The following ANKRD44 variants were observed in gnomAD, a reference collection of about 807,000 sequenced individuals.
ANKRD44 encodes serine/threonine-protein phosphatase 6 regulatory ankyrin repeat subunit B.
Under a neutral mutation model 116.0 loss-of-function variants are expected in ANKRD44, and 35 were observed. The ratio of observed to expected loss-of-function variants is 0.30; its 90% CI spans 0.23 to 0.40. ANKRD44 has a LOEUF of 0.40. Ranked by LOEUF, ANKRD44 falls within the 10% of genes least tolerant of loss-of-function variation. The probability of loss-of-function intolerance (pLI) is 1.00; values close to 1 mark genes in which losing one functional copy is unlikely to be tolerated. For synonymous variants in ANKRD44, 435 were observed against 461.8 expected (o/e 0.94, Z 0.74); for missense variants, 1,014 against 1,242.6 (o/e 0.82, Z 2.77).
At chr2:197,293,871 C>T (rs550524675) in intron 1 of ANKRD44, among the ~76,000 whole-genome samples, 7 of 152,160 alleles carry the variant, frequency 4.6e-5, no homozygotes, top group East Asian at 3.9e-4. Context: ...ATTACCCAGG[C>T]GGCAGCCTTC....
At chr2:197,186,433 C>T (rs2080661158) in intron 2 of ANKRD44, among the ~76,000 whole-genome samples, 1 of 151,872 alleles carries the variant, frequency 6.6e-6, no homozygotes, top group Non-Finnish European at 1.5e-5. Context: ...AAATTATGCT[C>T]ACTCTTAGAT....
intron 8 of ANKRD44, among the ~76,000 whole-genome samples, chr2:197,118,670 A>AGAAAGAAG (rs1553512635): frequency 0.093 from 14,036 of 151,314 alleles, 916 homozygotes; most frequent in Middle Eastern, 0.19. Flanking sequence ...AAAGAAAGAA[A>AGAAAGAAG]GAAAGAAAAA....
intron 16 of ANKRD44, among the ~76,000 whole-genome samples, chr2:197,038,573 T>C (rs528716173): frequency 2.0e-5 from 3 of 152,266 alleles, no homozygotes; most frequent in Non-Finnish European, 2.9e-5. Context: ...AGAAGATTCA[T>C]CAAAATTAAG....
In ANKRD44 at chr2:197,165,939, G is replaced by C. The variant is rs142117994; in HGVS notation, c.112-18834C>G. 4.3e-3 allele frequency among the ~76,000 whole-genome samples: 654 copies of C among 152,272 alleles called. 3 individuals carry two copies. Among genetic ancestry groups the C allele is most frequent in the African/African-American group, 0.014 (599 of 41,560 alleles). ...CAATGAACATAGAGATTCCAGGCAA[G>C]TTTAGACAAAAAGACATGACACTGT... is the stretch of plus-strand genomic sequence containing the variant. On this transcript the variant is annotated intron_variant, in intron 2 of 27. Coordinates refer to ENST00000282272, the MANE Select transcript of ANKRD44 (RefSeq NM_001195144.2).
intron 1 of ANKRD44, among the ~76,000 whole-genome samples, chr2:197,271,190 A>G (rs973235398): frequency 6.6e-6 from 1 of 152,248 alleles, no homozygotes; most frequent in Non-Finnish European, 1.5e-5. Context: ...TCATGAAACC[A>G]TATCTATCTG....
intron 16 of ANKRD44, among the ~76,000 whole-genome samples, chr2:197,066,528 T>C (rs553074161): frequency 1.3e-5 from 2 of 152,208 alleles, no homozygotes; most frequent in Non-Finnish European, 1.5e-5. Flanking sequence ...CATGATTGTA[T>C]ATTTAGAAAA....
chr2:197,196,582 GA>G lies in ANKRD44; in HGVS notation c.28-9477del, dbSNP rs1223972026. Among the ~76,000 whole-genome samples, 5 of 152,134 alleles carry G rather than the reference GA, an allele frequency of 3.3e-5. No individual in the cohort carries two copies. The East Asian group carries it at 9.6e-4, about 29-fold the overall frequency. On this transcript the variant is annotated intron_variant, in intron 1 of 27. Coordinates refer to ENST00000282272, the MANE Select transcript of ANKRD44 (RefSeq NM_001195144.2). The stretch of plus-strand genomic sequence containing the variant: ...AAAACAACAACAAAATCAGCATGTA[GA>G]AATGAAAGGTACTCTCAGAAAGGTG...
intron 1 of ANKRD44, chr2:197,263,184 T>C: frequency 2.1e-6 from 1 of 481,136 alleles, no homozygotes; most frequent in Non-Finnish European, 3.9e-6. Context: ...AGCCATCTGC[T>C]ACCTGCAGTG....
chr2:197,124,117 C>T (rs528438767), intron 6 of ANKRD44, among the ~76,000 whole-genome samples: 1 of 152,282 alleles, frequency 6.6e-6, no homozygotes, highest in South Asian at 2.1e-4. Context: ...CTGCAGGTGC[C>T]ACGCAGTCAT....
At chr2:197,226,005 A>G (rs948152318) in intron 1 of ANKRD44, among the ~76,000 whole-genome samples, 2 of 152,148 alleles carry the variant, frequency 1.3e-5, no homozygotes, top group African/African-American at 4.8e-5. Flanking sequence ...CTCACTAAAA[A>G]CAGGCTTTTA....
intron 16 of ANKRD44, among the ~76,000 whole-genome samples, chr2:197,060,382 C>T (rs1477582301): frequency 6.6e-6 from 1 of 152,156 alleles, no homozygotes; most frequent in Non-Finnish European, 1.5e-5. Context: ...CCTTTCCTTC[C>T]CAGTTTTATT....
intron 1 of ANKRD44, among the ~76,000 whole-genome samples, chr2:197,307,182 C>T (rs1481913080): frequency 6.6e-6 from 1 of 152,152 alleles, no homozygotes; most frequent in Admixed American, 6.5e-5. Context: ...CTGTATTTAA[C>T]AAAATTTTCT....
intron 16 of ANKRD44, among the ~76,000 whole-genome samples, chr2:197,036,239 C>A (rs546085530): frequency 6.6e-6 from 1 of 152,070 alleles, no homozygotes; most frequent in African/African-American, 2.4e-5. Context: ...TCTATAGTTG[C>A]GTAAGTCAAG....
Position 196,998,205 on chromosome 2 carries a change from T to C in ANKRD44, c.2748+132A>G, listed in dbSNP as rs562378528. 14 of 673,932 alleles carry C rather than the reference T, an allele frequency of 2.1e-5. No individual in the cohort carries two copies. In the Admixed American group the frequency reaches 3.7e-4, roughly 18 times the overall value. The allele number at this position is 673,932 out of a possible 1,614,324, so 41.7% of individuals were successfully genotyped here. On this transcript the variant is annotated intron_variant, in intron 25 of 27. Coordinates refer to ENST00000282272, the MANE Select transcript of ANKRD44 (RefSeq NM_001195144.2). ...TTCCTTCTCATCCTTCCACTTTCAGTTGACAAGACCCTGGGAAAATGTACA... is the reference window on the plus strand; with the variant it reads ...TTCCTTCTCATCCTTCCACTTTCAGCTGACAAGACCCTGGGAAAATGTACA...
intron 2 of ANKRD44, among the ~76,000 whole-genome samples, chr2:197,158,225 G>A (rs1185832397): frequency 6.6e-6 from 1 of 152,126 alleles, no homozygotes; most frequent in African/African-American, 2.4e-5. Context: ...AGCTAATAAA[G>A]TTCACAATTG....
At chr2:197,213,383 T>C (rs950494828) in intron 1 of ANKRD44, among the ~76,000 whole-genome samples, 1 of 152,258 alleles carries the variant, frequency 6.6e-6, no homozygotes, top group African/African-American at 2.4e-5. Flanking sequence ...AGGTGATTAC[T>C]CCAGAGAGCC....
At chr2:197,011,418 GT>G (rs1270824149) in intron 18 of ANKRD44, among the ~76,000 whole-genome samples, 1 of 151,230 alleles carries the variant, frequency 6.6e-6, no homozygotes, top group African/African-American at 2.4e-5. Context: ...CTTTTGTTTT[GT>G]TTTGTTTTGT....
Position 197,090,168 on chromosome 2 carries a change from A to AT in ANKRD44, c.1101-137dup, listed in dbSNP as rs940867749. On this transcript the variant is annotated intron_variant, in intron 10 of 27. Transcript: ENST00000282272. ...GAGTCTTGGCTGAAATAATTTGGTA[A>AT]TTCTTCCATTCAATAAATAATTATG... The AT allele has an allele frequency of 5.2e-5, 32 of 621,112 alleles. No homozygotes were observed. The African/African-American group carries it at 5.2e-4, about 10-fold the overall frequency. The allele number at this position is 621,112 out of a possible 1,614,324, so 38.5% of individuals were successfully genotyped here. A position where few individuals can be genotyped will look rare whatever the true frequency, so the allele number is the denominator to read the frequency against.
chr2:197,291,676 AT>A (rs559030997), intron 1 of ANKRD44, among the ~76,000 whole-genome samples: 51 of 152,138 alleles, frequency 3.4e-4, no homozygotes, highest in Admixed American at 8.5e-4. Flanking sequence ...TTGCTCATGT[AT>A]TTTTTTTAAA....
Sources: gnomAD v4.1 joint callset for allele counts (sites outside exome capture counted in the v4.1 genomes callset) on GRCh38, gnomAD v4.1.1 for gene constraint, MANE v1.5 for transcripts, NCBI Gene and HGNC (gene_info 2026-07-23, HGNC 2026-07-21) for gene names.